Variants in CYSLTR2 observed in about 807,000 individuals in gnomAD.
CYSLTR2 encodes cysteinyl leukotriene receptor 2, also known as G-protein coupled receptor GPCR21.
For synonymous variants in CYSLTR2, 179 were observed against 160.8 expected (o/e 1.11, Z -0.86); for missense variants, 398 against 411.9 (o/e 0.97, Z 0.29).
chr13:48,657,518 G>A (rs1241223399), intron 1 of CYSLTR2, among the ~76,000 whole-genome samples: 1 of 151,502 alleles, frequency 6.6e-6, no homozygotes, highest in Admixed American at 6.6e-5. Context: ...GGGGAGAGGA[G>A]GGAAAGAGAT....
chr13:48,682,167 T>C (rs1953774044), intron 1 of CYSLTR2, among the ~76,000 whole-genome samples: 1 of 152,184 alleles, frequency 6.6e-6, no homozygotes, highest in African/African-American at 2.4e-5. Context: ...TGACACATAA[T>C]TGTGACATTA....
In CYSLTR2 at chr13:48,654,249, CTTTGTG is replaced by C. The variant is rs1451425708; in HGVS notation, c.-266+234_-266+239del. Among the ~76,000 whole-genome samples, 6 of 132,172 alleles carry C rather than the reference CTTTGTG, an allele frequency of 4.5e-5. No homozygotes were observed. The South Asian group carries it at 7.5e-4, about 16-fold the overall frequency. The allele number at this position is 132,172 out of a possible 152,430, so 86.7% of individuals were successfully genotyped here. A position where few individuals can be genotyped will look rare whatever the true frequency, so the allele number is the denominator to read the frequency against. ...TCTATTGATATTTTGGGGATCGTCC[CTTTGTG>C]TGTGTGTGTGTGTGTGTGTGTGTGT... On this transcript the variant is annotated intron_variant, in intron 1 of 4. Coordinates refer to ENST00000682523, the MANE Select transcript of CYSLTR2 (RefSeq NM_001308476.3).
At chr13:48,679,382 C>T (rs1051035683) in intron 1 of CYSLTR2, among the ~76,000 whole-genome samples, 2 of 152,052 alleles carry the variant, frequency 1.3e-5, no homozygotes, top group Non-Finnish European at 2.9e-5. Context: ...CCCAGAGGTT[C>T]TTTTTGGTCT....
intron 1 of CYSLTR2, among the ~76,000 whole-genome samples, chr13:48,659,442 CTA>C (rs1410617205): frequency 6.6e-6 from 1 of 152,174 alleles, no homozygotes; most frequent in Non-Finnish European, 1.5e-5. Context: ...CGCAATGTCT[CTA>C]TGTCATTTTA....
intron 1 of CYSLTR2, among the ~76,000 whole-genome samples, chr13:48,654,364 A>G (rs2138784537): frequency 6.7e-6 from 1 of 150,308 alleles, no homozygotes; most frequent in African/African-American, 2.5e-5. Flanking sequence ...TTGCGTCCCT[A>G]CACTATGGAC....
chr13:48,674,145 T>C (rs140180734), intron 1 of CYSLTR2, among the ~76,000 whole-genome samples: 182 of 152,298 alleles, frequency 1.2e-3, no homozygotes, highest in African/African-American at 4.1e-3. Flanking sequence ...GTTCTCTGTA[T>C]TTCCTGAATT....
chr13:48,686,759 G>A (rs1444958381), intron 1 of CYSLTR2, among the ~76,000 whole-genome samples: 1 of 152,200 alleles, frequency 6.6e-6, no homozygotes, highest in African/African-American at 2.4e-5. Context: ...GTAAACCTAG[G>A]CTTCCAGAAC....
intron 4 of CYSLTR2, among the ~76,000 whole-genome samples, chr13:48,699,507 C>T (rs878911977): frequency 1.3e-5 from 2 of 152,068 alleles, no homozygotes; most frequent in Non-Finnish European, 2.9e-5. Flanking sequence ...ATCTCTGGGA[C>T]AATTTAAAGC....
intron 1 of CYSLTR2, among the ~76,000 whole-genome samples, chr13:48,687,663 A>T (rs1386874014): frequency 1.3e-5 from 2 of 152,182 alleles, no homozygotes; most frequent in African/African-American, 4.8e-5. Context: ...GCAGCCCTCC[A>T]TCTGAAGAGT....
chr13:48,672,717 A>G (rs183871336), intron 1 of CYSLTR2, among the ~76,000 whole-genome samples: 2 of 148,160 alleles, frequency 1.3e-5, no homozygotes, highest in Admixed American at 6.9e-5. Flanking sequence ...TCCTGGGTTC[A>G]TGTCATTCTC....
chr13:48,697,888 T>C (rs551330915), intron 4 of CYSLTR2, among the ~76,000 whole-genome samples: 1 of 152,324 alleles, frequency 6.6e-6, no homozygotes, highest in East Asian at 1.9e-4. Context: ...CTTCAGTAGC[T>C]GATTTGATCA....
intron 4 of CYSLTR2, among the ~76,000 whole-genome samples, chr13:48,703,249 A>T (rs946209668): frequency 6.6e-6 from 1 of 152,056 alleles, no homozygotes; most frequent in African/African-American, 2.4e-5. Context: ...TAACTATGTC[A>T]TCTACAGATA....
intron 1 of CYSLTR2, among the ~76,000 whole-genome samples, chr13:48,667,455 G>A (rs570900345): frequency 2.0e-5 from 3 of 152,308 alleles, no homozygotes; most frequent in African/African-American, 7.2e-5. Flanking sequence ...GTACATAGCT[G>A]CTTGGATGGC....
intron 1 of CYSLTR2, among the ~76,000 whole-genome samples, chr13:48,683,650 A>G (rs924733441): frequency 6.6e-6 from 1 of 152,044 alleles, no homozygotes; most frequent in Admixed American, 6.6e-5. Context: ...TCAGATGCAT[A>G]GCTTGCAAAA....
chr13:48,687,899 A>G lies in CYSLTR2; in HGVS notation c.-265-3313A>G, dbSNP rs1055008017. Reference sequence around the variant, plus strand: ...CTGTATTAATATTGGCAATTTAAAAATTGTTAATTACAACAGGAATTTGCC... The same window carrying G: ...CTGTATTAATATTGGCAATTTAAAAGTTGTTAATTACAACAGGAATTTGCC... On this transcript the variant is annotated intron_variant, in intron 1 of 4. Transcript: ENST00000682523. Among the ~76,000 whole-genome samples the G allele has an allele frequency of 9.2e-5, 14 of 152,244 alleles. 1 individual carries two copies. Among genetic ancestry groups the G allele is most frequent in the African/African-American group, 3.4e-4 (14 of 41,462 alleles).
chr13:48,688,797 G>A lies in CYSLTR2; in HGVS notation c.-265-2415G>A, dbSNP rs1953962003. On this transcript the variant is annotated intron_variant, in intron 1 of 4. Coordinates refer to ENST00000682523, the MANE Select transcript of CYSLTR2 (RefSeq NM_001308476.3). ...CAGTAATGGGATGGCTGGGTCAAAA[G>A]GTATTTCTGGTTCTAAATCCTTGAG... is the stretch of plus-strand genomic sequence containing the variant. Among the ~76,000 whole-genome samples, 4 of 152,170 alleles carry A rather than the reference G, an allele frequency of 2.6e-5. No individual in the cohort carries two copies. In the South Asian group the frequency reaches 8.3e-4, roughly 31 times the overall value.
At chr13:48,656,454 A>C (rs1386553702) in intron 1 of CYSLTR2, among the ~76,000 whole-genome samples, 1 of 152,056 alleles carries the variant, frequency 6.6e-6, no homozygotes, top group African/African-American at 2.4e-5. Context: ...GGCAGATGAG[A>C]GTTTGAAGCT....
intron 1 of CYSLTR2, among the ~76,000 whole-genome samples, chr13:48,658,313 A>G (rs1223536247): frequency 6.6e-6 from 1 of 152,254 alleles, no homozygotes; most frequent in East Asian, 1.9e-4. Flanking sequence ...TCAGGAAAAG[A>G]AAATTTTCAA....
chr13:48,707,914 T>A lies in CYSLTR2; in HGVS notation c.*56T>A. 1 of 1,367,976 alleles carries A rather than the reference T, an allele frequency of 7.3e-7. No homozygotes were observed. The highest frequency in any genetic ancestry group is 2.0e-4 in the Middle Eastern group (1 of 5,062). The allele number at this position is 1,367,976 out of a possible 1,614,324, so 84.7% of individuals were successfully genotyped here. A position where few individuals can be genotyped will look rare whatever the true frequency, so the allele number is the denominator to read the frequency against. On this transcript the variant is annotated 3_prime_UTR_variant, in exon 5 of 5. Transcript: ENST00000682523. ...CCTTGTGTCCATCTTCATTCACTCA[T>A]AGTCTCCAAATGACTTTGTATTTAC...
Sources: allele counts gnomAD v4.1 joint callset (sites outside exome capture counted in the v4.1 genomes callset), GRCh38; gene constraint gnomAD v4.1.1; transcripts MANE v1.5; gene names NCBI Gene and HGNC (gene_info 2026-07-23, HGNC 2026-07-21).